TMPRSS11F: variants seen among roughly 807,000 people sequenced by gnomAD.
TMPRSS11F encodes the protein transmembrane serine protease 11F, also known as transmembrane protease serine 11F.
A neutral mutation model predicts 60.2 loss-of-function variants in TMPRSS11F; 47 were observed. That is an observed-to-expected ratio of 0.78 (90% CI 0.62 to 1.00). TMPRSS11F has a LOEUF of 1.00. Ranked by LOEUF, TMPRSS11F falls within the 50% of genes least tolerant of loss-of-function variation. The pLI is 0.00. For missense variants in TMPRSS11F, 519 were observed against 522.9 expected (o/e 0.99, Z 0.07); for synonymous variants, 166 against 167.3 (o/e 0.99, Z 0.06).
chr4:68,108,176 TG>T (rs1161424357), intron 1 of TMPRSS11F, among the ~76,000 whole-genome samples: 2 of 152,192 alleles, frequency 1.3e-5, no homozygotes, highest in Admixed American at 6.5e-5. Flanking sequence ...GAATATATTT[TG>T]AAGTTATAGC....
At chr4:68,112,262 T>A (rs1270406693) in intron 1 of TMPRSS11F, among the ~76,000 whole-genome samples, 15 of 152,074 alleles carry the variant, frequency 9.9e-5, no homozygotes. Flanking sequence ...ACTTAACTGA[T>A]CGTGCTCAAG....
rs748540773 is a variant in TMPRSS11F, at chr4:68,099,021, T to A, written c.29A>T (p.Glu10Val). 14 of 1,612,878 alleles carry A rather than the reference T, an allele frequency of 8.7e-6. No individual in the cohort carries two copies. Among genetic ancestry groups the A allele is most frequent in the Non-Finnish European group, 1.1e-5 (13 of 1,179,414 alleles). MMYAPVEFS[E>V]AEFSRAEYQR... is the part of the protein sequence containing the mutation. ...ATATTCAGCTCGTGAGAATTCAGCT[T>A]CTGAAAATTCAACAGGTCTGTGATA... The change falls in exon 2 of 10, where the codon GAA (glutamate) becomes GTA (valine). Residue 10 changes from glutamate to valine, a missense_variant. Physicochemically the swap from Glu to Val is moderately radical, Grantham distance 121 (BLOSUM62 -2). Transcript: ENST00000356291.
intron 3 of TMPRSS11F, among the ~76,000 whole-genome samples, chr4:68,087,951 T>C (rs1374027517): frequency 6.8e-6 from 1 of 146,160 alleles, no homozygotes; most frequent in Non-Finnish European, 1.5e-5. Flanking sequence ...TTCCCACCTA[T>C]GAGTGAGAAT....
chr4:68,092,287 G>A (rs1361639105), intron 2 of TMPRSS11F, among the ~76,000 whole-genome samples: 4 of 152,118 alleles, frequency 2.6e-5, no homozygotes, highest in African/African-American at 7.2e-5. Context: ...ATCTGTAAGT[G>A]TAATATCTAG....
chr4:68,082,269 T>C (rs952092648), intron 3 of TMPRSS11F, among the ~76,000 whole-genome samples: 11 of 152,128 alleles, frequency 7.2e-5, no homozygotes, highest in African/African-American at 9.7e-5. Context: ...ACAACCCCCA[T>C]AGATACTTGA....
chr4:68,082,689 C>T (rs1021005045), intron 3 of TMPRSS11F, among the ~76,000 whole-genome samples: 19 of 152,356 alleles, frequency 1.2e-4, no homozygotes, highest in African/African-American at 3.4e-4. Context: ...ATCTCAACCC[C>T]GTTGGGTTAG....
intron 2 of TMPRSS11F, 97 bp from the exon 3 acceptor site, chr4:68,090,738 G>T (rs971132684): frequency 6.7e-5 from 99 of 1,487,316 alleles, no homozygotes; most frequent in Middle Eastern, 5.5e-4. Flanking sequence ...CTACAATAAT[G>T]CAGTTTATTT....
intron 1 of TMPRSS11F, among the ~76,000 whole-genome samples, chr4:68,120,131 A>C (rs1445830147): frequency 6.6e-6 from 1 of 152,200 alleles, no homozygotes; most frequent in Non-Finnish European, 1.5e-5. Flanking sequence ...TCTCATGATA[A>C]AACTTGAACA....
chr4:68,105,605 C>T (rs1002071095), intron 1 of TMPRSS11F, among the ~76,000 whole-genome samples: 5 of 152,076 alleles, frequency 3.3e-5, no homozygotes, highest in African/African-American at 1.2e-4. Context: ...TTCTTTCAAT[C>T]CCTAAAGCAA....
At chr4:68,110,560 T>G (rs574666761) in intron 1 of TMPRSS11F, among the ~76,000 whole-genome samples, 1 of 152,308 alleles carries the variant, frequency 6.6e-6, no homozygotes. Flanking sequence ...CTATTTTAAG[T>G]TCCAACTCTG....
At chr4:68,105,918 A>G (rs1436469802) in intron 1 of TMPRSS11F, among the ~76,000 whole-genome samples, 3 of 152,108 alleles carry the variant, frequency 2.0e-5, no homozygotes, top group African/African-American at 7.3e-5. Context: ...GCAGAATTAA[A>G]ATCTTGATCT....
chr4:68,098,076 G>A (rs749340605), intron 2 of TMPRSS11F, among the ~76,000 whole-genome samples: 6 of 152,212 alleles, frequency 3.9e-5, no homozygotes, highest in East Asian at 3.9e-4. Context: ...AGGCTGGGTC[G>A]AGTGGATCAC....
At chr4:68,064,265 A>G (rs1166851222) in intron 8 of TMPRSS11F, among the ~76,000 whole-genome samples, 1 of 151,082 alleles carries the variant, frequency 6.6e-6, no homozygotes, top group Non-Finnish European at 1.5e-5. Context: ...GCTCATTGCA[A>G]CCTCTGCCTC....
In TMPRSS11F at chr4:68,113,680, A is replaced by G. The variant is rs908104054; in HGVS notation, c.12-14642T>C. Among the ~76,000 whole-genome samples the G allele has an allele frequency of 2.6e-5, 4 of 152,212 alleles. No individual in the cohort carries two copies. In the East Asian group the frequency reaches 7.7e-4, roughly 29 times the overall value. On this transcript the variant is annotated intron_variant, in intron 1 of 9. Transcript: ENST00000356291. ...AATGAAGAGAAGTACACAAATCCAC[A>G]TTATAGTTTAAGACATCAACACTCT...
intron 1 of TMPRSS11F, among the ~76,000 whole-genome samples, chr4:68,124,018 T>C (rs2109891374): frequency 6.6e-6 from 1 of 152,026 alleles, no homozygotes; most frequent in South Asian, 2.1e-4. Flanking sequence ...GCCAGGAGTT[T>C]GAAACCAGCC....
chr4:68,129,325 C>A (rs557051327), intron 1 of TMPRSS11F, among the ~76,000 whole-genome samples: 2 of 152,060 alleles, frequency 1.3e-5, no homozygotes, highest in Admixed American at 1.3e-4. Flanking sequence ...AATCATTTCA[C>A]TCATGATATA....
intron 7 of TMPRSS11F, among the ~76,000 whole-genome samples, chr4:68,067,568 A>G (rs919495690): frequency 1.3e-5 from 2 of 152,266 alleles, no homozygotes; most frequent in Admixed American, 6.5e-5. Flanking sequence ...AGATTGGAGG[A>G]CTGTGTGAAT....
rs199777141 is a variant in TMPRSS11F, at chr4:68,081,876, TTAA to T, written c.283-7870_283-7868del. Reference sequence around the variant, plus strand: ...TGCTGAAGAACCATGATTTAAAGTATTAATATATCATTAAAGTGGATATGTTTC... The same window carrying T: ...TGCTGAAGAACCATGATTTAAAGTATTATATCATTAAAGTGGATATGTTTC... On this transcript the variant is annotated intron_variant, in intron 3 of 9. Coordinates refer to ENST00000356291, the MANE Select transcript of TMPRSS11F (RefSeq NM_207407.2). 1.7e-3 allele frequency among the ~76,000 whole-genome samples: 255 copies of T among 152,288 alleles called. 2 individuals are homozygous for T. Among genetic ancestry groups the T allele is most frequent in the African/African-American group, 6.0e-3 (249 of 41,562 alleles).
intron 5 of TMPRSS11F, among the ~76,000 whole-genome samples, chr4:68,071,167 A>T (rs1723454322): frequency 6.6e-6 from 1 of 152,144 alleles, no homozygotes; most frequent in Admixed American, 6.5e-5. Flanking sequence ...ATTTCCACTT[A>T]TAGAATGCTG....
Sources: gnomAD v4.1 joint callset for allele counts (sites outside exome capture counted in the v4.1 genomes callset) on GRCh38, gnomAD v4.1.1 for gene constraint, MANE v1.5 for transcripts, NCBI Gene and HGNC (gene_info 2026-07-23, HGNC 2026-07-21) for gene names.